SYT15B: variants seen among roughly 807,000 people sequenced by gnomAD.
The protein encoded by SYT15B is synaptotagmin-15.
chr10:47,749,634 A>C, the SYT15B span, among the ~76,000 whole-genome samples: 2 of 151,206 alleles, frequency 1.3e-5, no homozygotes, highest in Admixed American at 1.3e-4. Flanking sequence ...GAAACCACTA[A>C]AGAAATTATA....
the SYT15B span, among the ~76,000 whole-genome samples, chr10:47,761,204 T>TA: frequency 2.0e-5 from 3 of 149,856 alleles, no homozygotes; most frequent in Non-Finnish European, 4.4e-5. Flanking sequence ...TTCTGCCACT[T>TA]ACTAATTGTG....
chr10:47,744,834 G>T, the SYT15B span, among the ~76,000 whole-genome samples: 324 of 151,940 alleles, frequency 2.1e-3, 1 homozygote, highest in African/African-American at 7.4e-3. Flanking sequence ...TGACTTTCTG[G>T]ATCACAAAAT....
chr10:47,761,266 A>T, the SYT15B span, among the ~76,000 whole-genome samples: 1 of 145,600 alleles, frequency 6.9e-6, no homozygotes, highest in African/African-American at 2.6e-5. Context: ...CTCACCTGGA[A>T]CATGGGTTTC....
chr10:47,756,561 C>T, the SYT15B span, among the ~76,000 whole-genome samples: 1 of 146,998 alleles, frequency 6.8e-6, no homozygotes, highest in Non-Finnish European at 1.5e-5. Context: ...CCTGGGGCCC[C>T]TTAAACACCT....
the SYT15B span, among the ~76,000 whole-genome samples, chr10:47,750,379 T>TA: frequency 7.6e-6 from 1 of 131,770 alleles, no homozygotes; most frequent in East Asian, 2.2e-4. Flanking sequence ...TGTTTATACT[T>TA]ATGTCATAAA....
chr10:47,761,000 C>T, the SYT15B span: 132 of 1,426,760 alleles, frequency 9.3e-5, 2 homozygotes, highest in East Asian at 1.8e-3. Context: ...TCAGCCAGGA[C>T]GGTTGAGCAC....
chr10:47,747,102 A>G, the SYT15B span, among the ~76,000 whole-genome samples: 5 of 145,708 alleles, frequency 3.4e-5, no homozygotes, highest in African/African-American at 1.3e-4. Context: ...ACAAGGAGGC[A>G]AGCTGGCCCT....
At chr10:47,744,797 CT>C in the SYT15B span, among the ~76,000 whole-genome samples, 3 of 151,874 alleles carry the variant, frequency 2.0e-5, no homozygotes, top group African/African-American at 7.3e-5. Context: ...CTCCCTGCCC[CT>C]GGGATAAAAT....
chr10:47,748,416 T>A, the SYT15B span, among the ~76,000 whole-genome samples: 1 of 151,628 alleles, frequency 6.6e-6, no homozygotes, highest in African/African-American at 2.4e-5. Context: ...TTTCACCATG[T>A]TGGCCAGGTT....
the SYT15B span, chr10:47,751,381 T>C: frequency 1.1e-5 from 1 of 92,746 alleles, no homozygotes; most frequent in Non-Finnish European, 2.2e-5. Context: ...TATTTCTTTA[T>C]CTTGTCCAAT....
chr10:47,746,754 CTTAT>C, the SYT15B span, among the ~76,000 whole-genome samples: 1 of 123,866 alleles, frequency 8.1e-6, no homozygotes, highest in Non-Finnish European at 1.7e-5. Flanking sequence ...GAAATGAGTG[CTTAT>C]TTAAGTATGG....
At chr10:47,756,411 C>T in the SYT15B span, among the ~76,000 whole-genome samples, 3 of 127,732 alleles carry the variant, frequency 2.3e-5, no homozygotes, top group Non-Finnish European at 5.0e-5. Flanking sequence ...GCGGCCCAGG[C>T]GGGGCTCCGC....
the SYT15B span, among the ~76,000 whole-genome samples, chr10:47,749,979 G>A: frequency 4.6e-5 from 7 of 152,006 alleles, no homozygotes; most frequent in African/African-American, 1.7e-4. Flanking sequence ...CATAATAAAG[G>A]TTCACTCTAC....
At chr10:47,762,418 G>T in the SYT15B span, among the ~76,000 whole-genome samples, 1 of 126,818 alleles carries the variant, frequency 7.9e-6, no homozygotes, top group African/African-American at 3.0e-5. Context: ...TGCACTGGGT[G>T]GGGTGGTGAG....
At chr10:47,744,964 G>T in the SYT15B span, among the ~76,000 whole-genome samples, 139,054 of 151,438 alleles carry the variant, frequency 0.92, 64,224 homozygotes, top group South Asian at 1. Context: ...CTAAACTTTC[G>T]ATTTCATTTT....
At chr10:47,761,999 TGG>T in the SYT15B span, among the ~76,000 whole-genome samples, 3 of 136,110 alleles carry the variant, frequency 2.2e-5, no homozygotes, top group Non-Finnish European at 3.2e-5. Flanking sequence ...CCATATCCCC[TGG>T]GCTCCTGTTG....
the SYT15B span, among the ~76,000 whole-genome samples, chr10:47,761,100 A>ACG: frequency 4.2e-4 from 30 of 71,226 alleles, 1 homozygote; most frequent in East Asian, 2.3e-3. Context: ...ACACACACAC[A>ACG]CGCACACACA....
At chr10:47,744,854 T>G in the SYT15B span, among the ~76,000 whole-genome samples, 1 of 152,046 alleles carries the variant, frequency 6.6e-6, no homozygotes, top group South Asian at 2.1e-4. Context: ...TTCACATGAT[T>G]TTTGGATCAT....
chr10:47,755,148 A>G, the SYT15B span, among the ~76,000 whole-genome samples: 2 of 151,160 alleles, frequency 1.3e-5, no homozygotes, highest in African/African-American at 2.4e-5. Flanking sequence ...GTACAGACAG[A>G]ATTTTACTAT....
Sources: allele counts gnomAD v4.1 joint callset (sites outside exome capture counted in the v4.1 genomes callset), GRCh38; gene constraint gnomAD v4.1.1; transcripts MANE v1.5; gene names NCBI Gene and HGNC (gene_info 2026-07-23, HGNC 2026-07-21).